The following ZDHHC3 variants were observed in gnomAD, a reference collection of about 807,000 sequenced individuals.
ZDHHC3 encodes the protein zDHHC palmitoyltransferase 3.
A neutral mutation model predicts 30.6 loss-of-function variants in ZDHHC3; 9 were observed. The observed-to-expected ratio is 0.29, with a 90% CI of 0.18 to 0.51. ZDHHC3 has a LOEUF of 0.51. ZDHHC3 is among the 20% of genes least tolerant of loss of function. The probability of loss-of-function intolerance (pLI) is 0.97; values close to 1 mark genes in which losing one functional copy is unlikely to be tolerated. For missense variants in ZDHHC3, 246 were observed against 384.2 expected (o/e 0.64, Z 3.01); for synonymous variants, 136 against 140.2 (o/e 0.97, Z 0.21).
rs574990668 is a variant in ZDHHC3, at chr3:44,966,845, G to C, written c.-24-7385C>G. Among the ~76,000 whole-genome samples, 98 of 152,284 alleles carry C rather than the reference G, an allele frequency of 6.4e-4. No individual in the cohort carries two copies. The South Asian group carries it at 0.019, about 29-fold the overall frequency. The stretch of plus-strand genomic sequence containing the variant: ...GTTTGAAATATTTCATTAAAAAATA[G>C]GATGAGTCACTAAACTTTTTCAAAA... On this transcript the variant is annotated intron_variant, in intron 1 of 6. Transcript: ENST00000424952.
intron 1 of ZDHHC3, among the ~76,000 whole-genome samples, chr3:44,971,013 C>T (rs957860807): frequency 1.3e-5 from 2 of 152,186 alleles, no homozygotes; most frequent in Non-Finnish European, 2.9e-5. Flanking sequence ...CTAAGATGCC[C>T]GGAAGTCTTT....
chr3:44,918,952 T>C lies in ZDHHC3; in HGVS notation c.*7737A>G. On this transcript the variant is annotated 3_prime_UTR_variant, in exon 7 of 7. Coordinates refer to ENST00000424952, the MANE Select transcript of ZDHHC3 (RefSeq NM_001135179.2). ...ACCCTCCACTGGGGGCACTGCTTTCTCCATCTCTTCTGGAAGCCAAGGGAA... is the reference window on the plus strand; with the variant it reads ...ACCCTCCACTGGGGGCACTGCTTTCCCCATCTCTTCTGGAAGCCAAGGGAA... The C allele has an allele frequency of 1.0e-6, 1 of 985,628 alleles. No homozygotes were observed. Among genetic ancestry groups the C allele is most frequent in the Non-Finnish European group, 1.2e-6 (1 of 830,090 alleles). The allele number at this position is 985,628 out of a possible 1,614,324, so 61.1% of individuals were successfully genotyped here. A position where few individuals can be genotyped will look rare whatever the true frequency, so the allele number is the denominator to read the frequency against.
chr3:44,951,713 G>A (rs971399339), intron 2 of ZDHHC3, among the ~76,000 whole-genome samples: 1 of 152,088 alleles, frequency 6.6e-6, no homozygotes, highest in East Asian at 1.9e-4. Flanking sequence ...TGCACCTGAT[G>A]TCTCTGCTGA....
chr3:44,927,838 T>C (rs1463861565), intron 6 of ZDHHC3, among the ~76,000 whole-genome samples: 1 of 152,158 alleles, frequency 6.6e-6, no homozygotes, highest in African/African-American at 2.4e-5. Flanking sequence ...AGTAAAGGGG[T>C]GCTGGGAGGA....
At chr3:44,943,804 G>A (rs147878995) in intron 3 of ZDHHC3, among the ~76,000 whole-genome samples, 131 of 152,194 alleles carry the variant, frequency 8.6e-4, no homozygotes, top group African/African-American at 2.7e-3. Context: ...CCAGGAGTTC[G>A]AGACCAGCCT....
intron 1 of ZDHHC3, among the ~76,000 whole-genome samples, 163 bp downstream of exon 1, chr3:44,975,770 T>TCACACACACA (rs3082727): frequency 2.7e-4 from 30 of 111,548 alleles, no homozygotes; most frequent in African/African-American, 2.0e-4. Flanking sequence ...TCTCTCTCTC[T>TCACACACACA]CTCACACACA....
At position 44,921,669 on chromosome 3, in the gene ZDHHC3, C is replaced by G. The variant is rs1249832420; in HGVS notation, c.*5020G>C. On this transcript the variant is annotated 3_prime_UTR_variant, in exon 7 of 7. Coordinates refer to ENST00000424952, the MANE Select transcript of ZDHHC3 (RefSeq NM_001135179.2). ...TCCTATTCATCACCCTCATTTAATC[C>G]TTCCATTAACTTTGTGATTTAGATT... 1.0e-6 allele frequency: 1 copy of G among 970,240 alleles called. No homozygotes were observed. Among genetic ancestry groups the G allele is most frequent in the Non-Finnish European group, 1.2e-6 (1 of 816,280 alleles). 60.1% of individuals were successfully genotyped at this position (970,240 alleles called of 1,614,324 possible).
chr3:44,972,646 C>G (rs948897785), intron 1 of ZDHHC3, among the ~76,000 whole-genome samples: 7 of 152,180 alleles, frequency 4.6e-5, no homozygotes, highest in African/African-American at 1.4e-4. Flanking sequence ...TGATACCTGG[C>G]CTGCACAATT....
chr3:44,943,030 T>C (rs1702582228), intron 3 of ZDHHC3, among the ~76,000 whole-genome samples: 1 of 152,066 alleles, frequency 6.6e-6, no homozygotes, highest in African/African-American at 2.4e-5. Flanking sequence ...GAGGCAAGCC[T>C]TGAATTAGAT....
chr3:44,966,002 A>G (rs1352715254), intron 1 of ZDHHC3, among the ~76,000 whole-genome samples: 2 of 152,236 alleles, frequency 1.3e-5, no homozygotes, highest in East Asian at 1.9e-4. Flanking sequence ...TAGCATCAAC[A>G]AAGGGCAATT....
rs1333734129 is a variant in ZDHHC3 at position 44,976,141 on chromosome 3, G to GGCCGCGGCTGCAGGAGCGGCC, written c.-254_-234dup. On this transcript the variant is annotated 5_prime_UTR_variant, in exon 1 of 7. Transcript: ENST00000424952. ...ATCGAGCTCTCCCGGCAGTGGCGGC[G>GGCCGCGGCTGCAGGAGCGGCC]GCCGCGGCTGCAGGAGCGGCCGCCG... 3.6e-5 allele frequency: 23 copies of GGCCGCGGCTGCAGGAGCGGCC among 646,648 alleles called. No homozygotes were observed. The highest frequency in any genetic ancestry group is 4.6e-5 in the Non-Finnish European group (20 of 433,812). The allele number at this position is 646,648 out of a possible 1,614,324, so 40.1% of individuals were successfully genotyped here. A position where few individuals can be genotyped will look rare whatever the true frequency, so the allele number is the denominator to read the frequency against.
In ZDHHC3 at chr3:44,951,823, C is replaced by T. The variant is rs143529425; in HGVS notation, c.307-6531G>A. Among the ~76,000 whole-genome samples, 106 of 152,332 alleles carry T rather than the reference C, an allele frequency of 7.0e-4. 1 individual carries two copies. The highest frequency in any genetic ancestry group is 1.2e-3 in the Non-Finnish European group (80 of 68,038). On this transcript the variant is annotated intron_variant, in intron 2 of 6. Coordinates refer to ENST00000424952, the MANE Select transcript of ZDHHC3 (RefSeq NM_001135179.2). ...CTGTGGCCAAATCCAAAAGTCAATT[C>T]TTAGCCCTTGTCTTCCTTGGGGTCT...
rs1700685161 is a variant in ZDHHC3, at chr3:44,922,705, G to T, written c.*3984C>A. 2 of 985,144 alleles carry T rather than the reference G, an allele frequency of 2.0e-6. No individual in the cohort carries two copies. The highest frequency in any genetic ancestry group is 2.4e-6 in the Non-Finnish European group (2 of 829,710). 61.0% of individuals were successfully genotyped at this position (985,144 alleles called of 1,614,324 possible). A position where few individuals can be genotyped will look rare whatever the true frequency, so the allele number is the denominator to read the frequency against. On this transcript the variant is annotated 3_prime_UTR_variant, in exon 7 of 7. Coordinates refer to ENST00000424952, the MANE Select transcript of ZDHHC3 (RefSeq NM_001135179.2). The stretch of plus-strand genomic sequence containing the variant: ...CTTGATAGTCAGAATCACCTGGAGG[G>T]CTGTTAAGACACGGGCTGCTGGGCC...
intron 2 of ZDHHC3, among the ~76,000 whole-genome samples, chr3:44,952,866 T>G (rs1019432679): frequency 6.6e-6 from 1 of 152,220 alleles, no homozygotes; most frequent in African/African-American, 2.4e-5. Context: ...ACAGCTTGTA[T>G]GTATAGTATG....
Position 44,959,380 on chromosome 3 carries a change from GA to G in ZDHHC3, c.56del (p.Leu19ProfsTer49). On this transcript the variant is annotated frameshift_variant, in exon 2 of 7. Coordinates refer to ENST00000424952, the MANE Select transcript of ZDHHC3 (RefSeq NM_001135179.2). LOFTEE classifies it high-confidence loss of function. The surrounding 1 kb of genome is among the most constrained non-coding windows in gnomAD (Gnocchi z 4.3). The stretch of plus-strand genomic sequence containing the variant: ...GGGGTGGGACACACTTCTCTGGCTG[GA>G]GGTATTCTGGTTTCCGCTCAATGTT... ...FRNIERKPEY[L>X]QPEKCVPPPY... 1.2e-6 allele frequency: 2 copies of G among 1,614,226 alleles called. No individual in the cohort carries two copies. Among genetic ancestry groups the G allele is most frequent in the Non-Finnish European group, 1.7e-6 (2 of 1,180,034 alleles).
At position 44,926,379 on chromosome 3, in the gene ZDHHC3, C is replaced by A; in HGVS notation, c.*310G>T. 6 of 1,076,070 alleles carry A rather than the reference C, an allele frequency of 5.6e-6. No homozygotes were observed. The highest frequency in any genetic ancestry group is 6.8e-6 in the Non-Finnish European group (6 of 888,802). The allele number at this position is 1,076,070 out of a possible 1,614,324, so 66.7% of individuals were successfully genotyped here. A position where few individuals can be genotyped will look rare whatever the true frequency, so the allele number is the denominator to read the frequency against. The stretch of plus-strand genomic sequence containing the variant: ...CACTCAGTTAGTAGAATGGGCACAG[C>A]GCGAGACAGCGCCCTCTACATTAGT... On this transcript the variant is annotated 3_prime_UTR_variant, in exon 7 of 7. Coordinates refer to ENST00000424952, the MANE Select transcript of ZDHHC3 (RefSeq NM_001135179.2).
Position 44,925,063 on chromosome 3 carries a change from A to G in ZDHHC3, c.*1626T>C. The G allele has an allele frequency of 1.0e-6, 1 of 985,932 alleles. No individual in the cohort carries two copies. Among genetic ancestry groups the G allele is most frequent in the Non-Finnish European group, 1.2e-6 (1 of 829,950 alleles). The allele number at this position is 985,932 out of a possible 1,614,324, so 61.1% of individuals were successfully genotyped here. On this transcript the variant is annotated 3_prime_UTR_variant, in exon 7 of 7. Transcript: ENST00000424952. The stretch of plus-strand genomic sequence containing the variant: ...AAAAAAAATAAAGTATCCTCATTCA[A>G]GAGACAGAGCAATGAAACAAACACC...
At chr3:44,945,479 A>T in intron 2 of ZDHHC3, 187 bp from the exon 3 acceptor site, 1 of 800,024 alleles carries the variant, frequency 1.2e-6, no homozygotes, top group Non-Finnish European at 1.9e-6. Flanking sequence ...TTGACCAAAA[A>T]TTTTTCTGAG....
intron 3 of ZDHHC3, among the ~76,000 whole-genome samples, chr3:44,937,270 C>T (rs1418475348): frequency 6.6e-6 from 1 of 151,730 alleles, no homozygotes; most frequent in Non-Finnish European, 1.5e-5. Context: ...ATGGCGAGAC[C>T]CTGTCTCCAA....
Sources: allele counts gnomAD v4.1 joint callset (sites outside exome capture counted in the v4.1 genomes callset), GRCh38; gene constraint gnomAD v4.1.1; non-coding constraint Gnocchi (gnomAD v3.1); transcripts MANE v1.5; gene names NCBI Gene and HGNC (gene_info 2026-07-23, HGNC 2026-07-21).